ATF7IP: variants seen among roughly 807,000 people sequenced by gnomAD.
The protein encoded by ATF7IP is activating transcription factor 7-interacting protein 1.
A neutral mutation model predicts 106.4 loss-of-function variants in ATF7IP; 23 were observed. The observed-to-expected ratio is 0.22, with a 90% CI of 0.16 to 0.31. ATF7IP has a LOEUF of 0.31. Ranked by LOEUF, ATF7IP falls within the 10% of genes least tolerant of loss-of-function variation. The pLI is 1.00. For missense variants in ATF7IP, 1,334 were observed against 1,524.3 expected (o/e 0.88, Z 2.08); for synonymous variants, 542 against 539.0 (o/e 1.01, Z -0.08).
chr12:14,463,819 C>G (rs991043601), intron 9 of ATF7IP, among the ~76,000 whole-genome samples: 2 of 152,008 alleles, frequency 1.3e-5, no homozygotes, highest in Non-Finnish European at 2.9e-5. Flanking sequence ...ATTGGCAGTA[C>G]TTGGTAATTA....
chr12:14,399,836 A>G lies in ATF7IP; in HGVS notation c.-7-24073A>G, dbSNP rs146774963. Among the ~76,000 whole-genome samples the G allele has an allele frequency of 3.0e-3, 456 of 152,128 alleles. 2 individuals are homozygous for G. The highest frequency in any genetic ancestry group is 0.011 in the African/African-American group (443 of 41,482). On this transcript the variant is annotated intron_variant, in intron 1 of 14. Transcript: ENST00000261168. ...ACCTTTTGTTTGAATTCTTGAATGT[A>G]TTCATTTTTGTATTTGAGATTTCCT...
chr12:14,394,383 T>C (rs1280898356), intron 1 of ATF7IP, among the ~76,000 whole-genome samples: 2 of 152,214 alleles, frequency 1.3e-5, no homozygotes, highest in African/African-American at 4.8e-5. Context: ...GAATTTCAGT[T>C]ATATAAGAAT....
intron 5 of ATF7IP, among the ~76,000 whole-genome samples, chr12:14,439,381 C>T (rs1355100813): frequency 2.0e-5 from 3 of 152,206 alleles, no homozygotes; most frequent in African/African-American, 7.2e-5. Flanking sequence ...TTAAGTGTGT[C>T]TCCCAGACTG....
chr12:14,423,101 T>C (rs1207760671), intron 1 of ATF7IP, among the ~76,000 whole-genome samples: 1 of 152,218 alleles, frequency 6.6e-6, no homozygotes, highest in Non-Finnish European at 1.5e-5. Flanking sequence ...TGCAGTGTTA[T>C]TTCATTGTGG....
intron 2 of ATF7IP, among the ~76,000 whole-genome samples, chr12:14,432,402 G>C (rs930390634): frequency 6.6e-6 from 1 of 152,176 alleles, no homozygotes; most frequent in Non-Finnish European, 1.5e-5. Flanking sequence ...TTTGTGATCT[G>C]TTTACAAGAA....
chr12:14,406,319 G>A (rs1293979639), intron 1 of ATF7IP, among the ~76,000 whole-genome samples: 7 of 151,830 alleles, frequency 4.6e-5, no homozygotes, highest in Non-Finnish European at 1.0e-4. Context: ...GGCTGGTGTC[G>A]AACTCCCAGC....
At chr12:14,406,884 G>A (rs1009304778) in intron 1 of ATF7IP, among the ~76,000 whole-genome samples, 12 of 152,066 alleles carry the variant, frequency 7.9e-5, no homozygotes, top group Non-Finnish European at 1.3e-4. Context: ...GAGCCACCAT[G>A]CCCGGACAGT....
intron 1 of ATF7IP, among the ~76,000 whole-genome samples, chr12:14,373,259 G>C (rs1292376805): frequency 6.6e-6 from 1 of 152,128 alleles, no homozygotes; most frequent in Non-Finnish European, 1.5e-5. Flanking sequence ...TAAAAACTAA[G>C]CTGCCACAGT....
chr12:14,383,962 T>C (rs1005180850), intron 1 of ATF7IP, among the ~76,000 whole-genome samples: 2 of 152,180 alleles, frequency 1.3e-5, no homozygotes, highest in African/African-American at 2.4e-5. Flanking sequence ...TTTTCTGATA[T>C]ACTGAAGTTG....
chr12:14,440,677 C>A (rs894629423), intron 5 of ATF7IP, among the ~76,000 whole-genome samples: 1 of 152,168 alleles, frequency 6.6e-6, no homozygotes. Flanking sequence ...TTATTTAGTA[C>A]ATTCACAATT....
intron 10 of ATF7IP, among the ~76,000 whole-genome samples, chr12:14,469,251 T>C (rs1357945945): frequency 6.6e-6 from 1 of 151,514 alleles, no homozygotes. Context: ...TCCCAGCTAC[T>C]TGGGAGGCTG....
intron 6 of ATF7IP, among the ~76,000 whole-genome samples, chr12:14,455,670 T>C (rs771865139): frequency 6.6e-6 from 1 of 152,128 alleles, no homozygotes; most frequent in Non-Finnish European, 1.5e-5. Flanking sequence ...CTGCAACCTC[T>C]GCCTCCTCGG....
At chr12:14,370,296 A>G (rs953992808) in intron 1 of ATF7IP, among the ~76,000 whole-genome samples, 4 of 152,166 alleles carry the variant, frequency 2.6e-5, no homozygotes, top group Non-Finnish European at 4.4e-5. Flanking sequence ...AAAAGAATAT[A>G]TGATATAAAG....
At chr12:14,479,499 A>G (rs1049992357) in intron 12 of ATF7IP, among the ~76,000 whole-genome samples, 9 of 152,188 alleles carry the variant, frequency 5.9e-5, no homozygotes, top group Non-Finnish European at 1.0e-4. Flanking sequence ...TAAGGAAAAC[A>G]TTGAATTTAA....
At chr12:14,463,435 T>TA (rs1368085861) in intron 9 of ATF7IP, among the ~76,000 whole-genome samples, 1 of 152,180 alleles carries the variant, frequency 6.6e-6, no homozygotes, top group East Asian at 1.9e-4. Context: ...GTTCTTTAGA[T>TA]ACACAGAAAT....
intron 12 of ATF7IP, 128 bp from the exon 13 acceptor site, chr12:14,480,875 G>A (rs965383816): frequency 3.9e-6 from 3 of 760,530 alleles, no homozygotes; most frequent in African/African-American, 3.5e-5. Flanking sequence ...ATCATAAAAG[G>A]AGACTGTTAT....
At chr12:14,486,869 G>A (rs1448518126) in intron 13 of ATF7IP, among the ~76,000 whole-genome samples, 1 of 152,088 alleles carries the variant, frequency 6.6e-6, no homozygotes, top group Non-Finnish European at 1.5e-5. Context: ...CGAGCAATTA[G>A]AGGGCTCTTC....
In ATF7IP at chr12:14,399,204, A is replaced by G. The variant is rs1192332751; in HGVS notation, c.-7-24705A>G. ...CTTGTACTTATATTTATATATAATCATTTTAGCAAAGGTCTGCATTCTCTG... is the reference window on the plus strand; with the variant it reads ...CTTGTACTTATATTTATATATAATCGTTTTAGCAAAGGTCTGCATTCTCTG... On this transcript the variant is annotated intron_variant, in intron 1 of 14. Transcript: ENST00000261168. 2.0e-5 allele frequency among the ~76,000 whole-genome samples: 3 copies of G among 152,140 alleles called. No individual in the cohort carries two copies. The East Asian group carries it at 5.8e-4, about 29-fold the overall frequency.
chr12:14,437,358 A>T (rs1305756242), intron 4 of ATF7IP, among the ~76,000 whole-genome samples: 1 of 152,230 alleles, frequency 6.6e-6, no homozygotes. Flanking sequence ...AGGCTGTAGA[A>T]ACTCTCAGTG....
Sources: gnomAD v4.1 joint callset for allele counts (sites outside exome capture counted in the v4.1 genomes callset) on GRCh38, gnomAD v4.1.1 for gene constraint, MANE v1.5 for transcripts, NCBI Gene and HGNC (gene_info 2026-07-23, HGNC 2026-07-21) for gene names.